Variants in PLEKHA7 observed in about 807,000 individuals in gnomAD.
PLEKHA7 encodes the protein pleckstrin homology domain-containing family A member 7.
In PLEKHA7, 104 loss-of-function variants were observed where a neutral mutation model predicts 170.0. That is an observed-to-expected ratio of 0.61 (90% confidence interval 0.52 to 0.72). The LOEUF is 0.72. Ranked by LOEUF, PLEKHA7 falls within the 30% of genes least tolerant of loss-of-function variation. The pLI, the probability that PLEKHA7 is intolerant of heterozygous loss-of-function variation, is 0.00. For missense variants in PLEKHA7, 1,615 were observed against 1,671.7 expected (o/e 0.97, Z 0.59); for synonymous variants, 648 against 660.8 (o/e 0.98, Z 0.30).
chr11:16,959,070 CGTTTTTT>C (rs1362301131), intron 3 of PLEKHA7, among the ~76,000 whole-genome samples: 1 of 152,130 alleles, frequency 6.6e-6, no homozygotes, highest in Non-Finnish European at 1.5e-5. Flanking sequence ...ACTGTTGTTT[CGTTTTTT>C]GTTTTTTGTT....
chr11:16,894,907 G>A (rs1856904710), intron 3 of PLEKHA7, among the ~76,000 whole-genome samples: 1 of 152,106 alleles, frequency 6.6e-6, no homozygotes, highest in African/African-American at 2.4e-5. Context: ...GCACTCTGCA[G>A]GCATTATCTC....
At chr11:16,934,686 A>G (rs1418088531) in intron 3 of PLEKHA7, among the ~76,000 whole-genome samples, 1 of 152,160 alleles carries the variant, frequency 6.6e-6, no homozygotes, top group East Asian at 1.9e-4. Context: ...CCCTTTTCCC[A>G]TAAGTTACCT....
chr11:16,932,397 C>T (rs1359570192), intron 3 of PLEKHA7, among the ~76,000 whole-genome samples: 3 of 151,816 alleles, frequency 2.0e-5, no homozygotes, highest in Non-Finnish European at 2.9e-5. Flanking sequence ...CTCACCTCAG[C>T]CTCCCCACCC....
intron 3 of PLEKHA7, among the ~76,000 whole-genome samples, chr11:16,958,735 T>C (rs1031303236): frequency 1.3e-5 from 2 of 152,236 alleles, no homozygotes; most frequent in Admixed American, 1.3e-4. Flanking sequence ...GAAGGAAATA[T>C]GCTAAAATCG....
chr11:16,913,672 A>C (rs1032361166), intron 3 of PLEKHA7, among the ~76,000 whole-genome samples: 2 of 152,236 alleles, frequency 1.3e-5, no homozygotes, highest in African/African-American at 4.8e-5. Context: ...GAAGCACTGG[A>C]AAGGCTGACC....
At chr11:16,939,287 G>T (rs1211595372) in intron 3 of PLEKHA7, among the ~76,000 whole-genome samples, 1 of 152,142 alleles carries the variant, frequency 6.6e-6, no homozygotes, top group East Asian at 1.9e-4. Flanking sequence ...GGTGGTGCAC[G>T]CCTATAACCC....
rs144777964 is a variant in PLEKHA7, at chr11:16,851,207, C to T, written c.680G>A (p.Arg227His). 4.4e-5 allele frequency: 71 copies of T among 1,607,844 alleles called. No homozygotes were observed. The highest frequency in any genetic ancestry group is 1.3e-4 in the East Asian group (6 of 44,630). The change falls in exon 8 of 27, where the codon CGC becomes CAC. Residue 227 changes from arginine to histidine, a missense_variant. Coordinates refer to ENST00000531066, the MANE Select transcript of PLEKHA7 (RefSeq NM_001329630.2). ...SPVAPEDRIS[R>H]KYSFKAVHTG... ...GGGCAGTACCTTAAAGGAATATTTG[C>T]GGCTTATGCGATCCTCAGGGGCCAC...
chr11:16,779,627 C>T (rs1480350605), intron 26 of PLEKHA7, among the ~76,000 whole-genome samples: 1 of 152,196 alleles, frequency 6.6e-6, no homozygotes, highest in Non-Finnish European at 1.5e-5. Flanking sequence ...GGGGCCTCTA[C>T]TCCACACCTC....
chr11:16,976,839 C>T (rs763920130), intron 3 of PLEKHA7, among the ~76,000 whole-genome samples: 6 of 152,214 alleles, frequency 3.9e-5, no homozygotes, highest in Admixed American at 1.3e-4. Flanking sequence ...TAGCTCACTA[C>T]CATAAGCCTA....
chr11:16,915,038 CCACTACCCA>C (rs1405872173), intron 3 of PLEKHA7, among the ~76,000 whole-genome samples: 1 of 152,194 alleles, frequency 6.6e-6, no homozygotes, highest in Non-Finnish European at 1.5e-5. Context: ...TCTATCTCCA[CCACTACCCA>C]CAGATGCAAA....
chr11:16,877,730 A>T (rs1855411467), intron 3 of PLEKHA7, among the ~76,000 whole-genome samples: 1 of 152,202 alleles, frequency 6.6e-6, no homozygotes, highest in African/African-American at 2.4e-5. Context: ...GCTTCCTTCA[A>T]CATCTGCCCT....
At chr11:16,929,730 C>T (rs953775050) in intron 3 of PLEKHA7, among the ~76,000 whole-genome samples, 1 of 152,122 alleles carries the variant, frequency 6.6e-6, no homozygotes, top group Admixed American at 6.5e-5. Context: ...TGGGGCTGGG[C>T]GTGGTGGCTC....
In PLEKHA7 at chr11:16,851,241, T is replaced by A; in HGVS notation, c.646A>T (p.Ile216Phe). 1 of 1,611,882 alleles carries A rather than the reference T, an allele frequency of 6.2e-7. No homozygotes were observed. Residue 216 changes from isoleucine to phenylalanine, a missense_variant, in exon 8 of 27, where the codon ATC becomes TTC. Transcript: ENST00000531066. Reference protein sequence around the residue: ...LGSIPLPSYVISPVAPEDRIS... With the variant: ...LGSIPLPSYVFSPVAPEDRIS... ...CGATCCTCAGGGGCCACAGGAGAGA[T>A]CACGTAGCTGGGCAAGGGGATGCTC... is the stretch of plus-strand genomic sequence containing the variant.
At chr11:16,819,631 G>C (rs965064402) in intron 10 of PLEKHA7, among the ~76,000 whole-genome samples, 2 of 152,222 alleles carry the variant, frequency 1.3e-5, no homozygotes, top group African/African-American at 4.8e-5. Flanking sequence ...TGGCCTGTGT[G>C]CCACCAGCAT....
intron 3 of PLEKHA7, among the ~76,000 whole-genome samples, chr11:16,972,331 A>G (rs955887998): frequency 1.3e-5 from 2 of 152,102 alleles, no homozygotes; most frequent in Non-Finnish European, 2.9e-5. Flanking sequence ...CATGTTGCCC[A>G]GGCTGGTCTT....
At chr11:16,814,835 T>A (rs1041726220) in intron 12 of PLEKHA7, among the ~76,000 whole-genome samples, 7 of 152,224 alleles carry the variant, frequency 4.6e-5, no homozygotes, top group African/African-American at 1.7e-4. Context: ...GACGCATATG[T>A]GCCTTTCCAC....
chr11:16,897,733 A>C (rs1857085441), intron 3 of PLEKHA7, among the ~76,000 whole-genome samples: 1 of 152,212 alleles, frequency 6.6e-6, no homozygotes, highest in South Asian at 2.1e-4. Flanking sequence ...AACACAAAGC[A>C]ATTAGAAATA....
At chr11:16,994,087 G>T (rs1335540915) in intron 3 of PLEKHA7, among the ~76,000 whole-genome samples, 8 of 152,168 alleles carry the variant, frequency 5.3e-5, no homozygotes, top group African/African-American at 1.9e-4. Context: ...TGAATTCACG[G>T]TCTTTCCCTA....
intron 3 of PLEKHA7, among the ~76,000 whole-genome samples, chr11:16,892,906 G>A (rs752031741): frequency 2.7e-4 from 41 of 152,182 alleles, no homozygotes; most frequent in Non-Finnish European, 2.2e-4. Flanking sequence ...TTCATTATCT[G>A]GTGAGGGCCC....
Sources: gnomAD v4.1 joint callset for allele counts (sites outside exome capture counted in the v4.1 genomes callset) on GRCh38, gnomAD v4.1.1 for gene constraint, MANE v1.5 for transcripts, NCBI Gene and HGNC (gene_info 2026-07-23, HGNC 2026-07-21) for gene names.